Variants in ATXN1 observed in about 807,000 individuals in gnomAD.
The protein encoded by ATXN1 is ataxin-1.
In ATXN1, 8 loss-of-function variants were observed where a neutral mutation model predicts 56.4. That is an observed-to-expected ratio of 0.14 (90% CI 0.08 to 0.26). ATXN1 has a LOEUF of 0.26. Ranked by LOEUF, ATXN1 falls within the 10% of genes least tolerant of loss-of-function variation. ATXN1 has a pLI of 1.00. For synonymous variants in ATXN1, 514 were observed against 494.6 expected, an observed-to-expected ratio of 1.04 and a Z score of -0.52; for missense variants, 987 against 1,106.5, an observed-to-expected ratio of 0.89 and a Z score of 1.53.
At chr6:16,581,204 TGTGTGTGTGTGTGTGTGTGTGCGCGC>T (rs1433356319) in intron 4 of ATXN1, among the ~76,000 whole-genome samples, 5 of 120,026 alleles carry the variant, frequency 4.2e-5, no homozygotes, top group South Asian at 4.7e-4. Context: ...ACTGTGTGTG[TGTGTGTGTGTGTGTGTGTGTGCGCGC>T]GTGTGTGTGT....
intron 3 of ATXN1, among the ~76,000 whole-genome samples, chr6:16,601,737 C>T (rs183721676): frequency 6.6e-6 from 1 of 152,212 alleles, no homozygotes; most frequent in East Asian, 1.9e-4. Flanking sequence ...CCTGTAGTCC[C>T]AGCTACTCGG....
At chr6:16,709,814 TAATAA>T (rs1159376523) in intron 2 of ATXN1, among the ~76,000 whole-genome samples, 1 of 152,132 alleles carries the variant, frequency 6.6e-6, no homozygotes, top group African/African-American at 2.4e-5. Context: ...CAAAAATACT[TAATAA>T]AATGTTAGCC....
At chr6:16,451,675 A>T (rs1338107499) in intron 6 of ATXN1, among the ~76,000 whole-genome samples, 1 of 152,140 alleles carries the variant, frequency 6.6e-6, no homozygotes, top group Non-Finnish European at 1.5e-5. Context: ...GAACCACTTG[A>T]ACCCAGGAGG....
chr6:16,541,677 G>T (rs896122202), intron 4 of ATXN1, among the ~76,000 whole-genome samples: 1 of 152,158 alleles, frequency 6.6e-6, no homozygotes, highest in Non-Finnish European at 1.5e-5. Flanking sequence ...GCACAGTGCC[G>T]CACTTGGACC....
At chr6:16,339,688 G>A (rs1030262511) in intron 6 of ATXN1, among the ~76,000 whole-genome samples, 1 of 152,170 alleles carries the variant, frequency 6.6e-6, no homozygotes, top group Non-Finnish European at 1.5e-5. Flanking sequence ...AGATTACATG[G>A]CTAAAAAAGG....
At chr6:16,364,931 C>G (rs757162523) in intron 6 of ATXN1, among the ~76,000 whole-genome samples, 5 of 152,186 alleles carry the variant, frequency 3.3e-5, no homozygotes, top group Non-Finnish European at 7.3e-5. Context: ...GTGGTGACTA[C>G]AGCTAAAAGG....
chr6:16,367,327 T>C (rs1761941732), intron 6 of ATXN1, among the ~76,000 whole-genome samples: 1 of 126,958 alleles, frequency 7.9e-6, no homozygotes, highest in Non-Finnish European at 1.6e-5. Flanking sequence ...GCAGCCAAGA[T>C]TCTGTTTCTC....
intron 6 of ATXN1, among the ~76,000 whole-genome samples, chr6:16,484,947 A>ATATGTG (rs1554109743): frequency 4.8e-5 from 6 of 126,054 alleles, no homozygotes; most frequent in Admixed American, 1.6e-4. Flanking sequence ...CTAAATATAT[A>ATATGTG]TGTGTGTGTG....
intron 3 of ATXN1, among the ~76,000 whole-genome samples, chr6:16,587,301 G>A (rs55835653): frequency 3.5e-4 from 54 of 152,278 alleles, no homozygotes; most frequent in Admixed American, 8.5e-4. Flanking sequence ...AAACAAGTCA[G>A]ATGATAACAT....
intron 6 of ATXN1, among the ~76,000 whole-genome samples, chr6:16,461,193 C>G (rs186556848): frequency 6.6e-6 from 1 of 152,314 alleles, no homozygotes; most frequent in Middle Eastern, 3.4e-3. Flanking sequence ...ATGGAACAAC[C>G]CCCTCCAAGA....
chr6:16,600,341 C>A (rs997147913), intron 3 of ATXN1, among the ~76,000 whole-genome samples: 1 of 152,190 alleles, frequency 6.6e-6, no homozygotes, highest in Non-Finnish European at 1.5e-5. Flanking sequence ...TCCATTAATA[C>A]AGATAATTAA....
chr6:16,328,137 C>T lies in ATXN1; in HGVS notation c.174G>A (p.Gly58=), dbSNP rs201396331. The change falls in exon 7 of 8, where the codon GGG becomes GGA. Residue 58 remains glycine (G), a synonymous_variant. Coordinates refer to ENST00000436367, the MANE Select transcript of ATXN1 (RefSeq NM_001128164.2). This position sits in a 1 kb window ranked among gnomAD's most constrained non-coding sequence, Gnocchi z 6.2. The part of the protein sequence containing the change: ...GNPGGRGHGG[G]RHGPAGTSVE... ...CCGAGGTCCCTGCCGGCCCATGCCT[C>T]CCGCCCCCGTGGCCCCGGCCACCAG... The T allele has an allele frequency of 6.3e-7, 1 of 1,583,632 alleles. No individual in the cohort carries two copies. The highest frequency in any genetic ancestry group is 2.2e-5 in the East Asian group (1 of 44,474).
chr6:16,517,407 A>G (rs574908861), intron 5 of ATXN1, among the ~76,000 whole-genome samples: 1 of 152,350 alleles, frequency 6.6e-6, no homozygotes, highest in South Asian at 2.1e-4. Flanking sequence ...TTTAAAATGT[A>G]TCTTGTAAGG....
intron 1 of ATXN1, 164 bp downstream of exon 1, chr6:16,761,134 A>AT (rs1761086572): frequency 2.7e-6 from 1 of 366,280 alleles, no homozygotes; most frequent in East Asian, 7.3e-5. Context: ...CTCCTCTTCC[A>AT]GCTGTTTTCC....
At chr6:16,651,395 T>C (rs1159200596) in intron 3 of ATXN1, among the ~76,000 whole-genome samples, 2 of 151,926 alleles carry the variant, frequency 1.3e-5, no homozygotes, top group African/African-American at 4.8e-5. Context: ...ATACAAAAAA[T>C]TAGCCAGGTG....
At chr6:16,499,943 G>A (rs1021617245) in intron 5 of ATXN1, among the ~76,000 whole-genome samples, 2 of 152,158 alleles carry the variant, frequency 1.3e-5, no homozygotes, top group Non-Finnish European at 2.9e-5. Flanking sequence ...CACCCACAGA[G>A]ATCCTTACTT....
chr6:16,558,535 T>TTTA (rs1221338791), intron 4 of ATXN1, among the ~76,000 whole-genome samples: 8 of 151,762 alleles, frequency 5.3e-5, no homozygotes, highest in Admixed American at 6.6e-5. Context: ...TGTTTGGCTA[T>TTTA]TTATTATTAT....
intron 7 of ATXN1, among the ~76,000 whole-genome samples, chr6:16,317,995 A>G (rs912113503): frequency 2.6e-5 from 4 of 152,214 alleles, no homozygotes; most frequent in African/African-American, 9.7e-5. Flanking sequence ...GCTCCTCTGT[A>G]TGAAAATTCA....
rs1758783942 is a variant in ATXN1, at chr6:16,410,918, A to G, written c.-161+75054T>C. On this transcript the variant is annotated intron_variant, in intron 6 of 7. Transcript: ENST00000436367. This position sits in a 1 kb window ranked among gnomAD's most constrained non-coding sequence, Gnocchi z 4.6. ...TGCAGGCGGATCACTTGAGGCCAGG[A>G]GTTTGAGACCATCCTGGCCAACATG... Among the ~76,000 whole-genome samples, 4 of 152,156 alleles carry G rather than the reference A, an allele frequency of 2.6e-5. No homozygotes were observed. Among genetic ancestry groups the G allele is most frequent in the Admixed American group, 2.6e-4 (4 of 15,286 alleles).
Sources: gnomAD v4.1 joint callset for allele counts (sites outside exome capture counted in the v4.1 genomes callset) on GRCh38, gnomAD v4.1.1 for gene constraint, Gnocchi (gnomAD v3.1) non-coding constraint, MANE v1.5 for transcripts, NCBI Gene and HGNC (gene_info 2026-07-23, HGNC 2026-07-21) for gene names.